Variants in ABTB2 observed in about 807,000 individuals in gnomAD.
ABTB2 encodes the protein ankyrin repeat and BTB/POZ domain-containing protein 2.
In ABTB2, 56 loss-of-function variants were observed where a neutral mutation model predicts 104.1. That is an observed-to-expected ratio of 0.54 (90% CI 0.43 to 0.67). The LOEUF (loss-of-function observed/expected upper bound fraction) is 0.67, where lower values mean the gene tolerates loss of function less well. Among genes scored for constraint, ABTB2 ranks in the 30% least tolerant of loss-of-function variants. The pLI is 0.00. For synonymous variants in ABTB2, 606 were observed against 608.2 expected (o/e 1.00, Z 0.05); for missense variants, 1,279 against 1,407.7 (o/e 0.91, Z 1.46).
intron 3 of ABTB2, among the ~76,000 whole-genome samples, chr11:34,180,218 T>C (rs1853010030): frequency 6.6e-6 from 1 of 152,050 alleles, no homozygotes; most frequent in Non-Finnish European, 1.5e-5. Context: ...CCATCCCAGC[T>C]CATAAAACAG....
intron 1 of ABTB2, among the ~76,000 whole-genome samples, chr11:34,289,678 T>A (rs1318554717): frequency 6.6e-6 from 1 of 152,078 alleles, no homozygotes; most frequent in African/African-American, 2.4e-5. Context: ...TTCCTTCCCA[T>A]CCAAATGGCT....
chr11:34,325,502 A>G (rs917544009), intron 1 of ABTB2, among the ~76,000 whole-genome samples: 1 of 152,228 alleles, frequency 6.6e-6, no homozygotes, highest in Non-Finnish European at 1.5e-5. Flanking sequence ...ACATCATAGC[A>G]TTATTGAAAT....
chr11:34,275,105 T>C (rs570646085), intron 1 of ABTB2, among the ~76,000 whole-genome samples: 2 of 152,338 alleles, frequency 1.3e-5, no homozygotes, highest in East Asian at 3.9e-4. Flanking sequence ...TGAGGTAAAC[T>C]GTGGGGACCT....
chr11:34,246,345 T>G (rs574709043), intron 1 of ABTB2, among the ~76,000 whole-genome samples: 1 of 152,136 alleles, frequency 6.6e-6, no homozygotes, highest in Non-Finnish European at 1.5e-5. Context: ...CTCACGCCTG[T>G]AATCCCAGCA....
chr11:34,347,442 AT>A (rs932452242), intron 1 of ABTB2, among the ~76,000 whole-genome samples: 17 of 150,072 alleles, frequency 1.1e-4, no homozygotes, highest in Non-Finnish European at 1.8e-4. Flanking sequence ...TGTCAAAAAA[AT>A]AATAATAAAA....
At chr11:34,302,006 A>G (rs1347351914) in intron 1 of ABTB2, among the ~76,000 whole-genome samples, 1 of 152,220 alleles carries the variant, frequency 6.6e-6, no homozygotes, top group African/African-American at 2.4e-5. Flanking sequence ...AAACATCACA[A>G]ACATAATACA....
chr11:34,161,106 C>T (rs777214599), intron 10 of ABTB2, 25 bp from the exon 11 acceptor site: 2 of 1,583,236 alleles, frequency 1.3e-6, no homozygotes, highest in East Asian at 2.3e-5. Context: ...GAAGGGCAGG[C>T]AGTCACGCAC....
intron 5 of ABTB2, among the ~76,000 whole-genome samples, chr11:34,170,152 C>T (rs1852854119): frequency 6.6e-6 from 1 of 152,212 alleles, no homozygotes; most frequent in Non-Finnish European, 1.5e-5. Context: ...CTCCACCCAG[C>T]TCTGCTCCTT....
At chr11:34,317,353 T>C (rs931516987) in intron 1 of ABTB2, among the ~76,000 whole-genome samples, 5 of 151,990 alleles carry the variant, frequency 3.3e-5, no homozygotes, top group African/African-American at 1.2e-4. Context: ...GGCAAGGGAG[T>C]TGGGGGTTTG....
rs755299768 is a variant in ABTB2, at chr11:34,154,250, A to G, written c.2880+15T>C. ...ATGTGGTGGGAGGTGGCCAGCAGGC[A>G]TCCTTGGCCCTCACCTTGGCATATT... is the stretch of plus-strand genomic sequence containing the variant. On this transcript the variant is annotated intron_variant, in intron 16 of 16. Transcript: ENST00000435224. The surrounding 1 kb of genome is among the most constrained non-coding windows in gnomAD (Gnocchi z 4.9). 6.2e-7 allele frequency: 1 copy of G among 1,602,556 alleles called. No individual in the cohort carries two copies.
At chr11:34,206,722 C>T (rs937628779) in intron 1 of ABTB2, among the ~76,000 whole-genome samples, 2 of 152,340 alleles carry the variant, frequency 1.3e-5, no homozygotes, top group Non-Finnish European at 2.9e-5. Context: ...ACACAGAGGT[C>T]TTCCTCCAGC....
At chr11:34,303,762 C>T (rs1243574715) in intron 1 of ABTB2, among the ~76,000 whole-genome samples, 1 of 150,506 alleles carries the variant, frequency 6.6e-6, no homozygotes, top group Non-Finnish European at 1.5e-5. Context: ...CCTGCCTCAG[C>T]TTCCCGAGTA....
chr11:34,160,957 C>T lies in ABTB2; in HGVS notation c.2343G>A (p.Glu781=), dbSNP rs768687496. ...GCTGCAAGCCCTCGGTCACCAGCTC[C>T]TCGTTGTACTCCTCCTCTCTGATGG... is the stretch of plus-strand genomic sequence containing the variant. ...FSSIREEEYN[E]ELVTEGLQLM... The change falls in exon 11 of 17, where the codon GAG becomes GAA. Residue 781 remains glutamate (E), a synonymous_variant. Transcript: ENST00000435224. The T allele has an allele frequency of 1.2e-6, 2 of 1,613,564 alleles. No homozygotes were observed. The highest frequency in any genetic ancestry group is 1.1e-5 in the South Asian group (1 of 91,066).
intron 1 of ABTB2, among the ~76,000 whole-genome samples, chr11:34,286,450 AC>A (rs1375623243): frequency 6.6e-6 from 1 of 151,498 alleles, no homozygotes; most frequent in Admixed American, 6.6e-5. Context: ...CCGCCACCAC[AC>A]CCAGCTAATG....
chr11:34,275,924 G>T (rs74820781), intron 1 of ABTB2, among the ~76,000 whole-genome samples: 1 of 152,146 alleles, frequency 6.6e-6, no homozygotes. Flanking sequence ...GACAGCTGTC[G>T]TCCTGGAAGT....
intron 3 of ABTB2, among the ~76,000 whole-genome samples, chr11:34,175,716 G>A (rs1852952260): frequency 1.3e-5 from 2 of 152,136 alleles, no homozygotes; most frequent in South Asian, 2.1e-4. Context: ...CTGTATGAAG[G>A]GGAGGGCCAC....
chr11:34,209,375 G>C (rs1003994504), intron 1 of ABTB2, among the ~76,000 whole-genome samples: 1 of 149,744 alleles, frequency 6.7e-6, no homozygotes, highest in African/African-American at 2.5e-5. Context: ...CCAGAAAAGA[G>C]AATAGATAAC....
chr11:34,312,246 A>G (rs889615206), intron 1 of ABTB2, among the ~76,000 whole-genome samples: 3 of 152,228 alleles, frequency 2.0e-5, no homozygotes, highest in African/African-American at 7.2e-5. Context: ...ATCTCCAGAT[A>G]CCCCTAAATG....
intron 1 of ABTB2, among the ~76,000 whole-genome samples, chr11:34,332,858 C>T (rs926507915): frequency 3.3e-4 from 50 of 151,962 alleles, no homozygotes; most frequent in Non-Finnish European, 6.5e-4. Flanking sequence ...ATGGAACAGT[C>T]TCTGAAGTGC....
Sources: gnomAD v4.1 joint callset for allele counts (sites outside exome capture counted in the v4.1 genomes callset) on GRCh38, gnomAD v4.1.1 for gene constraint, Gnocchi (gnomAD v3.1) non-coding constraint, MANE v1.5 for transcripts, NCBI Gene and HGNC (gene_info 2026-07-23, HGNC 2026-07-21) for gene names.